Variants in CTNNA1 observed in about 807,000 individuals in gnomAD.
CTNNA1 encodes the protein catenin alpha-1.
A neutral mutation model predicts 98.4 loss-of-function variants in CTNNA1; 37 were observed. That is an observed-to-expected ratio of 0.38 (90% confidence interval 0.29 to 0.49). The LOEUF (loss-of-function observed/expected upper bound fraction) is 0.49, where lower values mean the gene tolerates loss of function less well. CTNNA1 is among the 20% of genes least tolerant of loss of function. CTNNA1 has a pLI of 0.95. For synonymous variants in CTNNA1, 404 were observed against 413.2 expected (o/e 0.98, Z 0.27); for missense variants, 761 against 1,147.2 (o/e 0.66, Z 4.86).
At chr5:138,816,186 T>C (rs908717947) in intron 5 of CTNNA1, among the ~76,000 whole-genome samples, 1 of 152,254 alleles carries the variant, frequency 6.6e-6, no homozygotes, top group African/African-American at 2.4e-5. Flanking sequence ...TAGTGTTTTC[T>C]GAGGTCATCC....
rs1433094947 is a variant in CTNNA1 at position 138,810,997 on chromosome 5, G to A, written c.468+793G>A. On this transcript the variant is annotated intron_variant, in intron 4 of 17. Coordinates refer to ENST00000302763, the MANE Select transcript of CTNNA1 (RefSeq NM_001903.5). The stretch of plus-strand genomic sequence containing the variant: ...ACCCCCCCACCTCCCTCCCGGACGG[G>A]GCGGCTGGCCTGGCGGGGGCTGACC... 3.9e-5 allele frequency among the ~76,000 whole-genome samples: 6 copies of A among 151,930 alleles called. No homozygotes were observed. The South Asian group carries it at 6.2e-4, about 16-fold the overall frequency.
chr5:138,785,995 A>G (rs1052385658), intron 3 of CTNNA1, among the ~76,000 whole-genome samples: 1 of 152,206 alleles, frequency 6.6e-6, no homozygotes, highest in East Asian at 1.9e-4. Flanking sequence ...TGTAGCAATC[A>G]TGGTATAATA....
At chr5:138,808,636 A>T (rs916307500) in intron 3 of CTNNA1, among the ~76,000 whole-genome samples, 1 of 150,912 alleles carries the variant, frequency 6.6e-6, no homozygotes, top group East Asian at 2.0e-4. Flanking sequence ...TCCAAAGATG[A>T]TAGCTAGGAG....
At chr5:138,796,695 A>G (rs1757015446) in intron 3 of CTNNA1, among the ~76,000 whole-genome samples, 1 of 152,258 alleles carries the variant, frequency 6.6e-6, no homozygotes, top group Non-Finnish European at 1.5e-5. Flanking sequence ...AAGTATGCTC[A>G]TGAAACTGAT....
intron 5 of CTNNA1, among the ~76,000 whole-genome samples, chr5:138,819,334 G>A (rs998051267): frequency 6.6e-5 from 10 of 152,148 alleles, no homozygotes; most frequent in East Asian, 3.9e-4. Flanking sequence ...ACAGCACAGC[G>A]ATTACTCTAC....
At chr5:138,871,657 G>A (rs1735944640) in intron 7 of CTNNA1, 1 of 152,190 alleles carries the variant, frequency 6.6e-6, no homozygotes, top group African/African-American at 2.4e-5. Context: ...TTCAAAATCT[G>A]CCTTTCCTTT....
At chr5:138,822,234 G>T (rs934245107) in intron 5 of CTNNA1, among the ~76,000 whole-genome samples, 5 of 152,112 alleles carry the variant, frequency 3.3e-5, no homozygotes, top group African/African-American at 1.2e-4. Context: ...GTCTTGAAAT[G>T]ATCACCAATT....
At chr5:138,826,831 T>TCAA (rs1760767948) in intron 6 of CTNNA1, among the ~76,000 whole-genome samples, 1 of 152,218 alleles carries the variant, frequency 6.6e-6, no homozygotes, top group Non-Finnish European at 1.5e-5. Context: ...AAAGTCTTGC[T>TCAA]CTGTTACCCA....
At chr5:138,908,144 A>G (rs558690273) in intron 10 of CTNNA1, among the ~76,000 whole-genome samples, 2 of 151,902 alleles carry the variant, frequency 1.3e-5, no homozygotes, top group South Asian at 4.2e-4. Context: ...CGCCCGGCTA[A>G]TTTTTGTATT....
chr5:138,827,152 G>A (rs1285454143), intron 6 of CTNNA1, among the ~76,000 whole-genome samples: 1 of 152,186 alleles, frequency 6.6e-6, no homozygotes, highest in African/African-American at 2.4e-5. Flanking sequence ...TATTCTGCAA[G>A]TAAGAGGTAA....
At chr5:138,824,019 T>G (rs1044969844) in intron 5 of CTNNA1, among the ~76,000 whole-genome samples, 1 of 135,822 alleles carries the variant, frequency 7.4e-6, no homozygotes, top group Admixed American at 7.2e-5. Context: ...ATACTCATAA[T>G]AAGTCTTACT....
chr5:138,920,289 C>T (rs972832031), intron 11 of CTNNA1, among the ~76,000 whole-genome samples: 3 of 152,190 alleles, frequency 2.0e-5, no homozygotes, highest in African/African-American at 7.2e-5. Flanking sequence ...CTAGGTGTCA[C>T]ACTTTTTATT....
intron 9 of CTNNA1, among the ~76,000 whole-genome samples, chr5:138,903,936 C>T (rs1758625312): frequency 6.6e-6 from 1 of 152,090 alleles, no homozygotes; most frequent in Admixed American, 6.5e-5. Context: ...TTTTTATTTC[C>T]TTCCTTCAAG....
At chr5:138,871,002 A>G (rs1251846829) in intron 7 of CTNNA1, 2 of 152,208 alleles carry the variant, frequency 1.3e-5, no homozygotes, top group African/African-American at 4.8e-5. Flanking sequence ...CACCTTAAAA[A>G]AGAGCACATT....
At chr5:138,772,314 T>C (rs1172555621) in intron 1 of CTNNA1, among the ~76,000 whole-genome samples, 1 of 152,218 alleles carries the variant, frequency 6.6e-6, no homozygotes, top group East Asian at 1.9e-4. Context: ...TTAGTTCCAT[T>C]AAGCATGATC....
At chr5:138,813,006 T>A (rs1759002799) in intron 5 of CTNNA1, among the ~76,000 whole-genome samples, 1 of 152,254 alleles carries the variant, frequency 6.6e-6, no homozygotes, top group Admixed American at 6.5e-5. Flanking sequence ...GAAGAATAGT[T>A]GTTGTTAGCT....
chr5:138,886,018 G>C (rs1373582426), intron 7 of CTNNA1, among the ~76,000 whole-genome samples, 194 bp from the exon 8 acceptor site: 2 of 152,088 alleles, frequency 1.3e-5, no homozygotes, highest in Non-Finnish European at 2.9e-5. Context: ...AGATAATGTG[G>C]AGCCCAAGAA....
At chr5:138,782,430 G>C in intron 2 of CTNNA1, 3 of 386,508 alleles carry the variant, frequency 7.8e-6, no homozygotes, top group Non-Finnish European at 1.6e-5. Flanking sequence ...GTTTAGGTTT[G>C]GTATGCTACA....
At chr5:138,922,345 C>T (rs1426854014) in intron 11 of CTNNA1, among the ~76,000 whole-genome samples, 3 of 152,176 alleles carry the variant, frequency 2.0e-5, no homozygotes, top group East Asian at 1.9e-4. Flanking sequence ...ATAGCCCCTC[C>T]ATCTATTCAG....
Sources: allele counts gnomAD v4.1 joint callset (sites outside exome capture counted in the v4.1 genomes callset), GRCh38; gene constraint gnomAD v4.1.1; transcripts MANE v1.5; gene names NCBI Gene and HGNC (gene_info 2026-07-23, HGNC 2026-07-21).